Variants in PDAP1 observed in about 807,000 individuals in gnomAD.
PDAP1 encodes the protein 28 kDa heat- and acid-stable phosphoprotein.
A neutral mutation model predicts 28.0 loss-of-function variants in PDAP1; 13 were observed. The ratio of observed to expected loss-of-function variants is 0.46; its 90% CI spans 0.30 to 0.74. PDAP1 has a LOEUF of 0.74. PDAP1 is among the 30% of genes least tolerant of loss of function. The probability of loss-of-function intolerance (pLI) is 0.07; values close to 1 mark genes in which losing one functional copy is unlikely to be tolerated. For synonymous variants in PDAP1, 77 were observed against 85.1 expected, an observed-to-expected ratio of 0.91 and a Z score of 0.52; for missense variants, 150 against 230.0, an observed-to-expected ratio of 0.65 and a Z score of 2.25.
intron 2 of PDAP1, 157 bp from the exon 3 acceptor site, chr7:99,403,662 G>A (rs947304897): frequency 2.9e-6 from 2 of 693,244 alleles, no homozygotes; most frequent in Non-Finnish European, 5.3e-6. Context: ...CTGGCCCCCA[G>A]GGAATGGGAC....
intron 2 of PDAP1, among the ~76,000 whole-genome samples, chr7:99,404,354 A>G (rs747247723): frequency 6.6e-6 from 1 of 152,108 alleles, no homozygotes; most frequent in Non-Finnish European, 1.5e-5. Flanking sequence ...CTATGGGAGC[A>G]GAGGAGAGGG....
intron 1 of PDAP1, chr7:99,406,753 C>A (rs1794979266): frequency 2.4e-5 from 8 of 336,312 alleles, no homozygotes; most frequent in Non-Finnish European, 3.0e-5. Context: ...TGTAATCAGC[C>A]AGAGTTGCTC....
chr7:99,401,780 T>C (rs1207960342), intron 3 of PDAP1, among the ~76,000 whole-genome samples: 1 of 150,098 alleles, frequency 6.7e-6, no homozygotes, highest in Non-Finnish European at 1.5e-5. Flanking sequence ...CTCACTGCAC[T>C]CCGCCTCCCG....
intron 3 of PDAP1, among the ~76,000 whole-genome samples, chr7:99,401,430 G>A (rs2150905340): frequency 6.6e-6 from 1 of 152,090 alleles, no homozygotes; most frequent in South Asian, 2.1e-4. Flanking sequence ...CTGGGTTCAA[G>A]CAATTCTCCT....
At chr7:99,399,998 G>T (rs1348772854) in intron 4 of PDAP1, among the ~76,000 whole-genome samples, 2 of 152,222 alleles carry the variant, frequency 1.3e-5, no homozygotes, top group Admixed American at 6.5e-5. Context: ...GATCAGTGGG[G>T]TAAGGGAAGT....
chr7:99,404,969 G>A lies in PDAP1; in HGVS notation c.14-16C>T, dbSNP rs774064673. ...CCCTTTCTTCCTGCAGAGACCCGCA[G>A]TTTAGGTGAGCGGAAGCAGCTGCCT... On this transcript the variant is annotated splice_polypyrimidine_tract_variant and intron_variant, in intron 1 of 5. Coordinates refer to ENST00000350498, the MANE Select transcript of PDAP1 (RefSeq NM_014891.7). 5.6e-6 allele frequency: 9 copies of A among 1,600,324 alleles called. No individual in the cohort carries two copies. In the South Asian group the frequency reaches 8.8e-5, roughly 16 times the overall value.
chr7:99,396,992 A>G (rs1437736732), intron 5 of PDAP1, among the ~76,000 whole-genome samples: 1 of 151,376 alleles, frequency 6.6e-6, no homozygotes, highest in African/African-American at 2.4e-5. Context: ...ACCAACACAC[A>G]CTCTTGTGGG....
At chr7:99,407,942 T>C (rs1317583298) in intron 1 of PDAP1, among the ~76,000 whole-genome samples, 1 of 152,162 alleles carries the variant, frequency 6.6e-6, no homozygotes, top group African/African-American at 2.4e-5. Flanking sequence ...CCACGTGGAT[T>C]ACCTAGTTGA....
intron 1 of PDAP1, chr7:99,406,696 C>T: frequency 1.1e-5 from 8 of 710,946 alleles, no homozygotes; most frequent in Non-Finnish European, 1.4e-5. Flanking sequence ...ACACAGGAAG[C>T]TGAGGCCCAC....
intron 3 of PDAP1, among the ~76,000 whole-genome samples, chr7:99,402,699 A>G (rs1183985105): frequency 2.0e-5 from 3 of 151,322 alleles, no homozygotes; most frequent in African/African-American, 7.3e-5. Flanking sequence ...TGGCTAACAC[A>G]GTGAAACCCT....
At chr7:99,405,879 T>C (rs1230939684) in intron 1 of PDAP1, among the ~76,000 whole-genome samples, 2 of 152,198 alleles carry the variant, frequency 1.3e-5, no homozygotes, top group Non-Finnish European at 2.9e-5. Flanking sequence ...CCTTACAGGG[T>C]TGTCACAAAG....
Position 99,406,604 on chromosome 7 carries a change from G to A in PDAP1, c.14-1651C>T, listed in dbSNP as rs570486569. ...GAACACCAGGCTGACCCTTGCTTAA[G>A]CCATCAGCCAGTTTTAAAGCAAGGT... On this transcript the variant is annotated intron_variant, in intron 1 of 5. Transcript: ENST00000350498. 6 of 985,398 alleles carry A rather than the reference G, an allele frequency of 6.1e-6. No individual in the cohort carries two copies. The South Asian group carries it at 1.4e-4, about 23-fold the overall frequency. 61.0% of individuals were successfully genotyped at this position (985,398 alleles called of 1,614,324 possible). A position where few individuals can be genotyped will look rare whatever the true frequency, so the allele number is the denominator to read the frequency against.
rs1008782386 is a variant in PDAP1 at position 99,396,260 on chromosome 7, G to A, written c.*422C>T. 9 of 256,452 alleles carry A rather than the reference G, an allele frequency of 3.5e-5. No homozygotes were observed. The Admixed American group carries it at 3.6e-4, about 10-fold the overall frequency. 15.9% of individuals were successfully genotyped at this position (256,452 alleles called of 1,614,324 possible). ...CAGATGATAGCCCCTCTCTGAATGA[G>A]CACCCAGGCAACACAGTCCGGGGCT... On this transcript the variant is annotated 3_prime_UTR_variant, in exon 6 of 6. Coordinates refer to ENST00000350498, the MANE Select transcript of PDAP1 (RefSeq NM_014891.7).
chr7:99,404,847 C>A lies in PDAP1; in HGVS notation c.105+15G>T, dbSNP rs1794941406. The A allele has an allele frequency of 1.9e-6, 3 of 1,605,534 alleles. No individual in the cohort carries two copies. Among genetic ancestry groups the A allele is most frequent in the Non-Finnish European group, 2.6e-6 (3 of 1,174,458 alleles). ...CCCTGGGCCACTGGCGTGGCCTGGACAGGCACGTACTCACCCTGGCCTTCT... is the reference window on the plus strand; with the variant it reads ...CCCTGGGCCACTGGCGTGGCCTGGAAAGGCACGTACTCACCCTGGCCTTCT... On this transcript the variant is annotated intron_variant, in intron 2 of 5. Coordinates refer to ENST00000350498, the MANE Select transcript of PDAP1 (RefSeq NM_014891.7).
intron 4 of PDAP1, among the ~76,000 whole-genome samples, chr7:99,399,402 C>T (rs1794819942): frequency 6.6e-6 from 1 of 152,160 alleles, no homozygotes; most frequent in Non-Finnish European, 1.5e-5. Flanking sequence ...GGTGTCTCTG[C>T]AACCCCAAAG....
At position 99,395,932 on chromosome 7, in the gene PDAP1, G is replaced by A. The variant is rs1794747176; in HGVS notation, c.*750C>T. ...CCTGAACGTGGCACCGTACCCAGCT[G>A]GGTAAAAACGGCTCGAGCACGGAAG... On this transcript the variant is annotated 3_prime_UTR_variant, in exon 6 of 6. Transcript: ENST00000350498. 6.5e-6 allele frequency: 1 copy of A among 152,904 alleles called. No homozygotes were observed. Among genetic ancestry groups the A allele is most frequent in the African/African-American group, 2.4e-5 (1 of 41,464 alleles). 9.5% of individuals were successfully genotyped at this position (152,904 alleles called of 1,614,324 possible). A position where few individuals can be genotyped will look rare whatever the true frequency, so the allele number is the denominator to read the frequency against.
intron 1 of PDAP1, 135 bp downstream of exon 1, chr7:99,408,395 GAGGCCC>G (rs750838605): frequency 4.1e-4 from 285 of 688,736 alleles, no homozygotes; most frequent in Non-Finnish European, 5.1e-4. Context: ...ATTGGGCGTC[GAGGCCC>G]AGGCCTGGCT....
At chr7:99,404,974 G>C in intron 1 of PDAP1, 21 bp from the exon 2 acceptor site, 1 of 1,595,788 alleles carries the variant, frequency 6.3e-7, no homozygotes, top group African/African-American at 1.3e-5. Context: ...CCGCAGTTTA[G>C]GTGAGCGGAA....
intron 3 of PDAP1, chr7:99,403,197 C>T: frequency 1.7e-6 from 1 of 579,544 alleles, no homozygotes; most frequent in South Asian, 2.1e-5. Flanking sequence ...CCCTCAATCA[C>T]AGTCTGTTTT....
Sources: allele counts gnomAD v4.1 joint callset (sites outside exome capture counted in the v4.1 genomes callset), GRCh38; gene constraint gnomAD v4.1.1; transcripts MANE v1.5; gene names NCBI Gene and HGNC (gene_info 2026-07-23, HGNC 2026-07-21).